SCIN: variants seen among roughly 807,000 people sequenced by gnomAD.
The protein encoded by SCIN is scinderin.
In SCIN, 91 loss-of-function variants were observed where a neutral mutation model predicts 91.8. The ratio of observed to expected loss-of-function variants is 0.99; its 90% CI spans 0.84 to 1.18. The LOEUF is 1.18. SCIN is among the 50% of genes most tolerant of loss of function. The pLI, the probability that SCIN is intolerant of heterozygous loss-of-function variation, is 0.00. For synonymous variants in SCIN, 367 were observed against 312.6 expected, an observed-to-expected ratio of 1.17 and a Z score of -1.84; for missense variants, 1,087 against 863.9, an observed-to-expected ratio of 1.26 and a Z score of -3.24.
At chr7:12,646,516 T>C (rs1298058474) in intron 13 of SCIN, among the ~76,000 whole-genome samples, 1 of 152,162 alleles carries the variant, frequency 6.6e-6, no homozygotes, top group Non-Finnish European at 1.5e-5. Context: ...GCATAGGAAT[T>C]CTGGAGGCAA....
Position 12,626,731 on chromosome 7 carries a change from A to G in SCIN, c.1129A>G (p.Lys377Glu), listed in dbSNP as rs369181621. 5.6e-6 allele frequency: 9 copies of G among 1,609,406 alleles called. No homozygotes were observed. The highest frequency in any genetic ancestry group is 1.7e-4 in the Middle Eastern group (1 of 6,060). Residue 377 changes from lysine (K) to glutamate (E), a missense_variant, in exon 8 of 16, where the codon AAA becomes GAA. Lys to Glu is a moderately conservative substitution (Grantham distance 56, BLOSUM62 1). Transcript: ENST00000297029. The part of the protein sequence containing the change: ...QIKQIPFDAS[K>E]LHSSPQMAAQ... ...AAAACAAATTCCCTTTGATGCCTCA[A>G]AATTACACAGTTCTCCGCAGATGGC...
intron 3 of SCIN, chr7:12,596,321 C>A: frequency 2.2e-6 from 1 of 455,780 alleles, no homozygotes; most frequent in Non-Finnish European, 4.4e-6. Context: ...TCTTGCACAT[C>A]CCCAAGAAGT....
chr7:12,629,132 A>G lies in SCIN; in HGVS notation c.1229A>G (p.Gln410Arg), dbSNP rs1783591050. The change falls in exon 9 of 16, where the codon CAA (glutamine) becomes CGA (arginine). Residue 410 changes from glutamine (Q) to arginine (R), a missense_variant. By Grantham distance (43) the Gln-to-Arg change is conservative. Coordinates refer to ENST00000297029, the MANE Select transcript of SCIN (RefSeq NM_001112706.3). ...CGTGTAGAAAACAATGGTAGGATCC[A>G]AGTTGACCAAAACTCATATGGTGAA... Reference protein sequence around the residue: ...IWRVENNGRIQVDQNSYGEFY... With the variant: ...IWRVENNGRIRVDQNSYGEFY... The G allele has an allele frequency of 1.2e-6, 2 of 1,613,148 alleles. No individual in the cohort carries two copies. Among genetic ancestry groups the G allele is most frequent in the Non-Finnish European group, 1.7e-6 (2 of 1,179,392 alleles).
rs1433414098 is a variant in SCIN at position 12,657,418 on chromosome 7, A to C, written c.*4703A>C. 2.7e-5 allele frequency: 4 copies of C among 149,300 alleles called. No individual in the cohort carries two copies. Among genetic ancestry groups the C allele is most frequent in the Admixed American group, 6.7e-5 (1 of 14,944 alleles). The allele number at this position is 149,300 out of a possible 1,614,324, so 9.2% of individuals were successfully genotyped here. ...GAGATGGGGTTTTGCCATGTTGTCC[A>C]GGCTGGTCTTGAACTCCTAGACTCA... On this transcript the variant is annotated 3_prime_UTR_variant, in exon 16 of 16. Coordinates refer to ENST00000297029, the MANE Select transcript of SCIN (RefSeq NM_001112706.3).
chr7:12,586,227 C>T (rs1583278681), intron 3 of SCIN, among the ~76,000 whole-genome samples: 1 of 152,108 alleles, frequency 6.6e-6, no homozygotes, highest in African/African-American at 2.4e-5. Flanking sequence ...TCATTTATAA[C>T]TCAACTGGAC....
chr7:12,616,703 C>G (rs1783306153), intron 4 of SCIN, among the ~76,000 whole-genome samples: 1 of 152,010 alleles, frequency 6.6e-6, no homozygotes, highest in Non-Finnish European at 1.5e-5. Context: ...TATATCTTGC[C>G]TCACCAAAAT....
intron 15 of SCIN, 143 bp downstream of exon 15, chr7:12,652,044 T>C (rs1583327167): frequency 5.1e-6 from 3 of 582,852 alleles, no homozygotes; most frequent in East Asian, 5.9e-5. Flanking sequence ...AACTAAAGAG[T>C]AATGGGATTT....
intron 4 of SCIN, among the ~76,000 whole-genome samples, chr7:12,605,745 C>T (rs373224799): frequency 1.3e-5 from 2 of 152,106 alleles, no homozygotes; most frequent in South Asian, 2.1e-4. Flanking sequence ...ACTTGTATTT[C>T]GTTAAAGGAA....
rs117827091 is a variant in SCIN at position 12,629,987 on chromosome 7, G to A, written c.1319+765G>A. ...AATAATTCTTAAAAAAGATCTTCAA[G>A]CAGAGAAATGTGGGCTGTGGGCGTA... is the stretch of plus-strand genomic sequence containing the variant. On this transcript the variant is annotated intron_variant, in intron 9 of 15. Coordinates refer to ENST00000297029, the MANE Select transcript of SCIN (RefSeq NM_001112706.3). 4.5e-3 allele frequency among the ~76,000 whole-genome samples: 679 copies of A among 152,150 alleles called. 4 individuals carry two copies. The highest frequency in any genetic ancestry group is 7.4e-3 in the Non-Finnish European group (505 of 68,008).
chr7:12,649,418 A>C, intron 13 of SCIN, 49 bp from the exon 14 acceptor site: 1 of 1,298,864 alleles, frequency 7.7e-7, no homozygotes, highest in Non-Finnish European at 1.1e-6. Context: ...TATGTATTAG[A>C]AAAATTACTG....
At chr7:12,576,861 G>A (rs1419058151) in intron 1 of SCIN, among the ~76,000 whole-genome samples, 2 of 152,154 alleles carry the variant, frequency 1.3e-5, no homozygotes, top group Non-Finnish European at 2.9e-5. Flanking sequence ...TTGGCATAGT[G>A]TCTGGCCCAT....
chr7:12,616,596 A>C (rs1783303971), intron 4 of SCIN, among the ~76,000 whole-genome samples: 2 of 152,178 alleles, frequency 1.3e-5, no homozygotes, highest in Non-Finnish European at 2.9e-5. Flanking sequence ...CACCTAAAGC[A>C]GGGATCAAAG....
intron 4 of SCIN, among the ~76,000 whole-genome samples, chr7:12,615,052 A>T (rs1336211859): frequency 6.6e-6 from 1 of 152,184 alleles, no homozygotes; most frequent in Non-Finnish European, 1.5e-5. Flanking sequence ...GATCACACCC[A>T]AACTGTCTTT....
rs1005320535 is a variant in SCIN at position 12,651,756 on chromosome 7, T to C, written c.1960-85T>C. ...GATATTGTGAAGATTGAATGAGCAA[T>C]GTGTGTGTGAAGCACTTTACATAGG... On this transcript the variant is annotated intron_variant, in intron 14 of 15. Coordinates refer to ENST00000297029, the MANE Select transcript of SCIN (RefSeq NM_001112706.3). The surrounding 1 kb of genome is among the most constrained non-coding windows in gnomAD (Gnocchi z 5.9). 9.4e-5 allele frequency: 75 copies of C among 797,192 alleles called. No homozygotes were observed. The South Asian group carries it at 1.2e-3, about 12-fold the overall frequency. The allele number at this position is 797,192 out of a possible 1,614,324, so 49.4% of individuals were successfully genotyped here.
chr7:12,620,602 A>G (rs924021312), intron 4 of SCIN, among the ~76,000 whole-genome samples: 1 of 152,152 alleles, frequency 6.6e-6, no homozygotes, highest in Non-Finnish European at 1.5e-5. Flanking sequence ...GTGTCCAGGA[A>G]TAAACAGGAA....
intron 11 of SCIN, among the ~76,000 whole-genome samples, chr7:12,642,233 T>C (rs1783872517): frequency 6.6e-6 from 1 of 152,202 alleles, no homozygotes; most frequent in Non-Finnish European, 1.5e-5. Flanking sequence ...TCTGTCCGGA[T>C]CCTTCCCTCT....
chr7:12,608,321 GCACACACA>G (rs35120183), intron 4 of SCIN, among the ~76,000 whole-genome samples: 12 of 148,792 alleles, frequency 8.1e-5, no homozygotes, highest in African/African-American at 3.0e-4. Context: ...ATGCACACAT[GCACACACA>G]CACACACACA....
At chr7:12,628,032 CGTGTGTGTGTGTGTGTGT>C (rs59555647) in intron 8 of SCIN, among the ~76,000 whole-genome samples, 1 of 146,284 alleles carries the variant, frequency 6.8e-6, no homozygotes, top group Admixed American at 6.8e-5. Flanking sequence ...AGTGTGCGCG[CGTGTGTGTGTGTGTGTGT>C]GTGTGTGTGT....
rs1350941395 is a variant in SCIN, at chr7:12,622,788, C to T, written c.667-13C>T. ...GATCTTTATCTTTGCATCCACTGCT[C>T]ACTTTTTTCCAGGTCTTAGGGGAAA... is the stretch of plus-strand genomic sequence containing the variant. On this transcript the variant is annotated splice_polypyrimidine_tract_variant and intron_variant, in intron 4 of 15. Transcript: ENST00000297029. 4.4e-6 allele frequency: 7 copies of T among 1,596,944 alleles called. No individual in the cohort carries two copies. The East Asian group carries it at 1.3e-4, about 31-fold the overall frequency.
Sources: allele counts gnomAD v4.1 joint callset (sites outside exome capture counted in the v4.1 genomes callset), GRCh38; gene constraint gnomAD v4.1.1; non-coding constraint Gnocchi (gnomAD v3.1); transcripts MANE v1.5; gene names NCBI Gene and HGNC (gene_info 2026-07-23, HGNC 2026-07-21).